Variants in FBLN7 observed in about 807,000 individuals in gnomAD.
FBLN7 encodes the protein fibulin 7.
In FBLN7, 31 loss-of-function variants were observed where a neutral mutation model predicts 44.0. That is an observed-to-expected ratio of 0.70 (90% CI 0.53 to 0.95). FBLN7 has a LOEUF of 0.95. Ranked by LOEUF, FBLN7 falls within the 40% of genes least tolerant of loss-of-function variation. The pLI is 0.00. For missense variants in FBLN7, 573 were observed against 618.5 expected (o/e 0.93, Z 0.78); for synonymous variants, 262 against 253.4 (o/e 1.03, Z -0.32).
At chr2:112,148,357 A>G (rs1013993856) in intron 1 of FBLN7, among the ~76,000 whole-genome samples, 3 of 152,238 alleles carry the variant, frequency 2.0e-5, no homozygotes, top group African/African-American at 7.2e-5. Flanking sequence ...ATACTAATGC[A>G]TGAAGATGAG....
At chr2:112,233,660 G>T in the FBLN7 span, among the ~76,000 whole-genome samples, 2 of 152,166 alleles carry the variant, frequency 1.3e-5, no homozygotes, top group Non-Finnish European at 2.9e-5. Context: ...GAGGTCAGGA[G>T]ATCGAGACCA....
At chr2:112,171,147 G>A (rs1682436211) in intron 3 of FBLN7, among the ~76,000 whole-genome samples, 2 of 152,192 alleles carry the variant, frequency 1.3e-5, no homozygotes, top group Admixed American at 6.5e-5. Context: ...TTCCACCCTA[G>A]ATGGGTAGAC....
At chr2:112,170,638 C>T (rs937365603) in intron 3 of FBLN7, among the ~76,000 whole-genome samples, 6 of 152,238 alleles carry the variant, frequency 3.9e-5, no homozygotes, top group African/African-American at 1.4e-4. Context: ...ATTATAGAAC[C>T]TTGTTGCTGG....
chr2:112,238,379 T>C, the FBLN7 span: 2 of 1,613,652 alleles, frequency 1.2e-6, no homozygotes, highest in South Asian at 1.1e-5. Flanking sequence ...CATTTGCCAT[T>C]TCTCTGGCTT....
the FBLN7 span, among the ~76,000 whole-genome samples, chr2:112,196,374 C>CTTTTT: frequency 7.1e-4 from 45 of 63,186 alleles, no homozygotes; most frequent in Admixed American, 9.2e-4. Context: ...TCTTCTTCTT[C>CTTTTT]TTTTTTTTTT....
At chr2:112,152,803 A>G (rs1681225399) in intron 1 of FBLN7, 1 of 152,176 alleles carries the variant, frequency 6.6e-6, no homozygotes, top group African/African-American at 2.4e-5. Flanking sequence ...GCCAGCCCCC[A>G]TAACTGCTCG....
chr2:112,173,033 C>T (rs1012604390), intron 3 of FBLN7, among the ~76,000 whole-genome samples: 2 of 152,146 alleles, frequency 1.3e-5, no homozygotes, highest in African/African-American at 4.8e-5. Context: ...ATTAAGGAGA[C>T]TTTAACGGGA....
intron 1 of FBLN7, among the ~76,000 whole-genome samples, chr2:112,151,046 C>T (rs1681135722): frequency 6.6e-6 from 1 of 152,188 alleles, no homozygotes. Flanking sequence ...GAGGACTCCA[C>T]TCTAGAGGAC....
chr2:112,225,629 C>T, the FBLN7 span, among the ~76,000 whole-genome samples: 1 of 152,142 alleles, frequency 6.6e-6, no homozygotes, highest in Non-Finnish European at 1.5e-5. Context: ...CCAGCGTGGC[C>T]AACATGGTGA....
At chr2:112,236,784 T>C in the FBLN7 span, 2 of 1,185,978 alleles carry the variant, frequency 1.7e-6, no homozygotes, top group East Asian at 2.6e-5. Flanking sequence ...CAGTGGCTCA[T>C]GTCTGTAATC....
At chr2:112,239,156 A>G in the FBLN7 span, among the ~76,000 whole-genome samples, 1 of 152,232 alleles carries the variant, frequency 6.6e-6, no homozygotes. Context: ...CACGTGCCCA[A>G]GGCAAGGGTG....
chr2:112,158,866 T>C (rs1379740961), intron 1 of FBLN7, among the ~76,000 whole-genome samples: 1 of 152,168 alleles, frequency 6.6e-6, no homozygotes, highest in African/African-American at 2.4e-5. Context: ...TGAGCCACCG[T>C]ACCCGGCCAG....
intron 3 of FBLN7, among the ~76,000 whole-genome samples, chr2:112,170,745 A>C (rs1175643472): frequency 6.6e-6 from 1 of 152,248 alleles, no homozygotes; most frequent in African/African-American, 2.4e-5. Context: ...TTTAGTTCTA[A>C]GCCCAATAAA....
chr2:112,178,971 T>C (rs1179549936), intron 4 of FBLN7, among the ~76,000 whole-genome samples: 2 of 152,152 alleles, frequency 1.3e-5, no homozygotes, highest in Admixed American at 6.5e-5. Flanking sequence ...CAACGTAGTA[T>C]TGGAAGTCCT....
intron 1 of FBLN7, among the ~76,000 whole-genome samples, chr2:112,149,130 C>G (rs1211346134): frequency 1.3e-5 from 2 of 152,186 alleles, no homozygotes; most frequent in Non-Finnish European, 2.9e-5. Flanking sequence ...CTAGCAGCCT[C>G]CACTTCTCCC....
At chr2:112,170,183 A>G (rs1303882565) in intron 3 of FBLN7, among the ~76,000 whole-genome samples, 1 of 152,162 alleles carries the variant, frequency 6.6e-6, no homozygotes, top group Non-Finnish European at 1.5e-5. Context: ...CGGAGATTGC[A>G]GTGAGCTGAG....
At chr2:112,163,374 T>C (rs1328466113) in intron 2 of FBLN7, among the ~76,000 whole-genome samples, 9 of 152,242 alleles carry the variant, frequency 5.9e-5, no homozygotes, top group Non-Finnish European at 1.0e-4. Context: ...AACAGTTCTG[T>C]TTGTGCCTGT....
chr2:112,227,845 G>GCT, the FBLN7 span, among the ~76,000 whole-genome samples: 2 of 152,190 alleles, frequency 1.3e-5, no homozygotes, highest in African/African-American at 4.8e-5. Flanking sequence ...GACATTCCAT[G>GCT]CTCACAGATC....
the FBLN7 span, among the ~76,000 whole-genome samples, chr2:112,197,280 G>C: frequency 0.29 from 21,956 of 75,208 alleles, 1,988 homozygotes; most frequent in African/African-American, 0.41. Flanking sequence ...CACACAGAGA[G>C]AGAGAGAGAG....
Sources: allele counts gnomAD v4.1 joint callset (sites outside exome capture counted in the v4.1 genomes callset), GRCh38; gene constraint gnomAD v4.1.1; transcripts MANE v1.5; gene names NCBI Gene and HGNC (gene_info 2026-07-23, HGNC 2026-07-21).